Variants in DGKE observed in about 807,000 individuals in gnomAD.
DGKE encodes DAG kinase epsilon.
Under a neutral mutation model 70.0 loss-of-function variants are expected in DGKE, and 53 were observed. The ratio of observed to expected loss-of-function variants is 0.76; its 90% CI spans 0.61 to 0.95. The LOEUF is 0.95. Ranked by LOEUF, DGKE falls within the 40% of genes least tolerant of loss-of-function variation. The pLI is 0.00. For synonymous variants in DGKE, 291 were observed against 257.0 expected, an observed-to-expected ratio of 1.13 and a Z score of -1.27; for missense variants, 655 against 706.9, an observed-to-expected ratio of 0.93 and a Z score of 0.83.
intron 3 of DGKE, among the ~76,000 whole-genome samples, chr17:56,845,259 C>A (rs550932815): frequency 6.6e-6 from 1 of 151,982 alleles, no homozygotes; most frequent in African/African-American, 2.4e-5. Context: ...GCAAAACACA[C>A]CAGAATACAT....
At position 56,863,766 on chromosome 17, in the gene DGKE, A is replaced by G. The variant is rs1381521230; in HGVS notation, c.*975A>G. On this transcript the variant is annotated 3_prime_UTR_variant, in exon 12 of 12. Transcript: ENST00000284061. ...TAAGTGGACAGAAATCTTTGCTAAA[A>G]TGTTTATATCATATTTATTTTAAAA... 2 of 152,208 alleles carry G rather than the reference A, an allele frequency of 1.3e-5. No individual in the cohort carries two copies. Among genetic ancestry groups the G allele is most frequent in the Non-Finnish European group, 2.9e-5 (2 of 68,036 alleles). The allele number at this position is 152,208 out of a possible 1,614,324, so 9.4% of individuals were successfully genotyped here.
At chr17:56,855,658 T>C (rs1315077541) in intron 7 of DGKE, among the ~76,000 whole-genome samples, 1 of 152,148 alleles carries the variant, frequency 6.6e-6, no homozygotes. Flanking sequence ...TTACCAGCAG[T>C]GTCCAGCAAC....
Position 56,862,678 on chromosome 17 carries a change from A to G in DGKE, c.1591A>G (p.Thr531Ala). ...DGEPWAQGPC[T>A]VTITHKTHAM... is the part of the protein sequence containing the mutation. ...GGAGCCTTGGGCCCAAGGGCCCTGC[A>G]CTGTCACCATAACTCACAAGACACA... The change falls in exon 12 of 12, where the codon ACT (threonine) becomes GCT (alanine). Residue 531 changes from threonine (T) to alanine (A), a missense_variant. By Grantham distance (58) the Thr-to-Ala change is moderately conservative. Transcript: ENST00000284061. 3.7e-6 allele frequency: 6 copies of G among 1,609,958 alleles called. No individual in the cohort carries two copies. In the South Asian group the frequency reaches 4.4e-5, roughly 12 times the overall value.
intron 2 of DGKE, among the ~76,000 whole-genome samples, chr17:56,840,025 G>A (rs1906870636): frequency 6.6e-6 from 1 of 152,102 alleles, no homozygotes; most frequent in African/African-American, 2.4e-5. Context: ...TTAGCCGAGT[G>A]TGGTGGCGCA....
chr17:56,841,173 C>G (rs1906956046), intron 2 of DGKE, among the ~76,000 whole-genome samples: 1 of 151,656 alleles, frequency 6.6e-6, no homozygotes, highest in Non-Finnish European at 1.5e-5. Context: ...ATCACTTGAA[C>G]CCAGTATGTG....
At chr17:56,852,025 G>A (rs375861144) in intron 7 of DGKE, among the ~76,000 whole-genome samples, 8 of 152,036 alleles carry the variant, frequency 5.3e-5, no homozygotes, top group East Asian at 3.9e-4. Flanking sequence ...CTATCATCAC[G>A]CCACTGCACT....
Position 56,834,917 on chromosome 17 carries a change from G to A in DGKE, c.122G>A (p.Ser41Asn), listed in dbSNP as rs780090113. ...LLPVFITFWC[S>N]LQRSRRQLHR... Reference sequence around the variant, plus strand: ...CCGGTGTTCATCACCTTCTGGTGTAGCCTCCAGCGGTCGCGCCGGCAGCTG... The same window carrying A: ...CCGGTGTTCATCACCTTCTGGTGTAACCTCCAGCGGTCGCGCCGGCAGCTG... Residue 41 changes from serine to asparagine, a missense_variant, in exon 2 of 12, where the codon AGC becomes AAC. Coordinates refer to ENST00000284061, the MANE Select transcript of DGKE (RefSeq NM_003647.3). 3 of 1,613,632 alleles carry A rather than the reference G, an allele frequency of 1.9e-6. No individual in the cohort carries two copies. Among genetic ancestry groups the A allele is most frequent in the East Asian group, 2.2e-5 (1 of 44,864 alleles).
rs577466961 is a variant in DGKE, at chr17:56,869,247, G to A, written c.*6456G>A. 1.3e-3 allele frequency: 194 copies of A among 152,288 alleles called. 2 individuals carry two copies. Among genetic ancestry groups the A allele is most frequent in the African/African-American group, 4.4e-3 (183 of 41,564 alleles). The allele number at this position is 152,288 out of a possible 1,614,324, so 9.4% of individuals were successfully genotyped here. ...TTTCTAGAAAAGACAGAAGTTTAGA[G>A]TATATGAAATCTAATTTTTAAGTAT... On this transcript the variant is annotated 3_prime_UTR_variant, in exon 12 of 12. Transcript: ENST00000284061.
intron 7 of DGKE, among the ~76,000 whole-genome samples, chr17:56,854,180 G>T (rs1907811017): frequency 1.3e-5 from 2 of 152,180 alleles, no homozygotes; most frequent in Admixed American, 6.5e-5. Flanking sequence ...AGTAGATGGA[G>T]AAAGGGGAGA....
intron 8 of DGKE, among the ~76,000 whole-genome samples, chr17:56,858,089 A>AG (rs1567822391): frequency 2.7e-5 from 4 of 150,438 alleles, no homozygotes; most frequent in African/African-American, 9.8e-5. Flanking sequence ...AAAAAAAAAA[A>AG]GAAAAAGAAA....
At chr17:56,843,068 G>T (rs982319494) in intron 2 of DGKE, among the ~76,000 whole-genome samples, 4 of 152,184 alleles carry the variant, frequency 2.6e-5, no homozygotes, top group East Asian at 1.9e-4. Context: ...CTCTTCAAGG[G>T]TCCATGTCAG....
At chr17:56,839,763 C>T (rs1906851166) in intron 2 of DGKE, among the ~76,000 whole-genome samples, 1 of 152,224 alleles carries the variant, frequency 6.6e-6, no homozygotes, top group Non-Finnish European at 1.5e-5. Flanking sequence ...TCAAGCAATC[C>T]TCGCATCTTG....
chr17:56,866,008 T>G lies in DGKE; in HGVS notation c.*3217T>G, dbSNP rs1908511501. 3 of 152,164 alleles carry G rather than the reference T, an allele frequency of 2.0e-5. No individual in the cohort carries two copies. 9.4% of individuals were successfully genotyped at this position (152,164 alleles called of 1,614,324 possible). A position where few individuals can be genotyped will look rare whatever the true frequency, so the allele number is the denominator to read the frequency against. ...GAACCAGCATTTTATATTGATAATT[T>G]TTTTAATATTTCTACCCAGTTGAGG... On this transcript the variant is annotated 3_prime_UTR_variant, in exon 12 of 12. Coordinates refer to ENST00000284061, the MANE Select transcript of DGKE (RefSeq NM_003647.3).
In DGKE at chr17:56,868,167, A is replaced by G. The variant is rs1908609504; in HGVS notation, c.*5376A>G. 6.6e-6 allele frequency: 1 copy of G among 152,320 alleles called. No individual in the cohort carries two copies. The highest frequency in any genetic ancestry group is 2.4e-5 in the African/African-American group (1 of 41,486). 9.4% of individuals were successfully genotyped at this position (152,320 alleles called of 1,614,324 possible). On this transcript the variant is annotated 3_prime_UTR_variant, in exon 12 of 12. Coordinates refer to ENST00000284061, the MANE Select transcript of DGKE (RefSeq NM_003647.3). Reference sequence around the variant, plus strand: ...TTGTTCCTCTGACATTGTCCAGGCAAGAGGGCATCCTGATCAGATGAGTAG... The same window carrying G: ...TTGTTCCTCTGACATTGTCCAGGCAGGAGGGCATCCTGATCAGATGAGTAG...
At chr17:56,840,339 A>G (rs1906895428) in intron 2 of DGKE, among the ~76,000 whole-genome samples, 1 of 152,062 alleles carries the variant, frequency 6.6e-6, no homozygotes, top group Admixed American at 6.6e-5. Flanking sequence ...CAGATTTATT[A>G]TGGGTAGATT....
At chr17:56,861,989 A>G (rs1483567409) in intron 10 of DGKE, 71 bp downstream of exon 10, 1 of 1,544,146 alleles carries the variant, frequency 6.5e-7, no homozygotes, top group Admixed American at 2.2e-5. Context: ...TATAGACTTT[A>G]ACATTTTTCC....
chr17:56,844,205 G>T, intron 3 of DGKE, 27 bp downstream of exon 3: 1 of 1,409,364 alleles, frequency 7.1e-7, no homozygotes, highest in South Asian at 1.5e-5. Flanking sequence ...TCTCTAATAT[G>T]ATTGATTTTT....
intron 2 of DGKE, among the ~76,000 whole-genome samples, chr17:56,841,149 G>A (rs934611724): frequency 6.6e-6 from 1 of 151,584 alleles, no homozygotes; most frequent in Non-Finnish European, 1.5e-5. Flanking sequence ...TGCTCAGGAG[G>A]CTGAGGCAGG....
rs1413813900 is a variant in DGKE, at chr17:56,865,402, C to CG, written c.*2612dup. 6.6e-6 allele frequency: 1 copy of CG among 152,130 alleles called. No individual in the cohort carries two copies. The highest frequency in any genetic ancestry group is 1.5e-5 in the Non-Finnish European group (1 of 68,010). The allele number at this position is 152,130 out of a possible 1,614,324, so 9.4% of individuals were successfully genotyped here. On this transcript the variant is annotated 3_prime_UTR_variant, in exon 12 of 12. Coordinates refer to ENST00000284061, the MANE Select transcript of DGKE (RefSeq NM_003647.3). ...CCAATACATTCCTAATTCCTATAAA[C>CG]GTAGTGGCTTAAATACTGAATACCT...
Sources: allele counts gnomAD v4.1 joint callset (sites outside exome capture counted in the v4.1 genomes callset), GRCh38; gene constraint gnomAD v4.1.1; transcripts MANE v1.5; gene names NCBI Gene and HGNC (gene_info 2026-07-23, HGNC 2026-07-21).